SPINK1: variants seen among roughly 807,000 people sequenced by gnomAD.
SPINK1 encodes serine protease inhibitor Kazal-type 1.
SPINK1 carries 5 observed loss-of-function variants against 9.5 expected under a neutral mutation model. That is an observed-to-expected ratio of 0.52 (90% CI 0.27 to 1.10). The LOEUF is 1.10. Among genes scored for constraint, SPINK1 ranks in the 50% least tolerant of loss-of-function variants. The pLI is 0.11. For missense variants in SPINK1, 88 were observed against 92.7 expected (o/e 0.95, Z 0.21); for synonymous variants, 37 against 32.3 (o/e 1.14, Z -0.49).
chr5:147,824,783 G>GA (rs956934809), intron 3 of SPINK1, 77 bp from the exon 4 acceptor site: 50 of 1,298,730 alleles, frequency 3.8e-5, no homozygotes, highest in Admixed American at 1.4e-4. Context: ...AAAACAGGGG[G>GA]AAAAATAACA....
chr5:147,824,761 G>T, intron 3 of SPINK1, 55 bp from the exon 4 acceptor site: 1 of 1,520,008 alleles, frequency 6.6e-7, no homozygotes, highest in South Asian at 1.1e-5. Context: ...ATGAAAAAGT[G>T]ACTATGGGAG....
At chr5:147,827,520 A>G (rs922719759) in intron 3 of SPINK1, 1 of 157,638 alleles carries the variant, frequency 6.3e-6, no homozygotes, top group Admixed American at 6.3e-5. Flanking sequence ...GAATATTAGC[A>G]TGATGCTTGA....
At chr5:147,825,835 A>G (rs1201270663) in intron 3 of SPINK1, among the ~76,000 whole-genome samples, 1 of 152,234 alleles carries the variant, frequency 6.6e-6, no homozygotes, top group African/African-American at 2.4e-5. Flanking sequence ...ATAAGCACAC[A>G]CACCTAAACA....
upstream of SPINK1, among the ~76,000 whole-genome samples, chr5:147,835,829 C>A (rs541232844): frequency 6.6e-6 from 1 of 152,076 alleles, no homozygotes; most frequent in Non-Finnish European, 1.5e-5. Flanking sequence ...CATTTGGAGA[C>A]CTCCTTGACA....
intron 3 of SPINK1, among the ~76,000 whole-genome samples, chr5:147,826,168 A>AAGC (rs1756400512): frequency 6.6e-6 from 1 of 152,214 alleles, no homozygotes; most frequent in Admixed American, 6.5e-5. Flanking sequence ...TATATTTGCC[A>AAGC]AGCACATAAT....
upstream of SPINK1, among the ~76,000 whole-genome samples, chr5:147,833,810 C>T (rs1008128011): frequency 6.6e-6 from 1 of 152,120 alleles, no homozygotes; most frequent in South Asian, 2.1e-4. Context: ...TCAGAATGCT[C>T]AGGAAGAATT....
intron 3 of SPINK1, 49 bp downstream of exon 3, chr5:147,827,973 T>A: frequency 2.9e-6 from 4 of 1,403,208 alleles, no homozygotes; most frequent in African/African-American, 1.4e-5. Flanking sequence ...CACTTGAAGA[T>A]AACTAACTTA....
chr5:147,831,435 C>G, intron 1 of SPINK1, 88 bp downstream of exon 1: 5 of 1,536,562 alleles, frequency 3.3e-6, no homozygotes, highest in Non-Finnish European at 4.5e-6. Context: ...GAAGACTAGA[C>G]TACATCAAAA....
intron 2 of SPINK1, among the ~76,000 whole-genome samples, chr5:147,829,384 TA>T (rs1756468252): frequency 6.6e-6 from 1 of 152,202 alleles, no homozygotes; most frequent in Non-Finnish European, 1.5e-5. Flanking sequence ...ACTGTAGGAC[TA>T]TATGGAACTT....
chr5:147,829,576 A>G (rs747307306), intron 2 of SPINK1, 23 bp downstream of exon 2: 5 of 1,610,330 alleles, frequency 3.1e-6, no homozygotes, highest in Non-Finnish European at 4.2e-6. Flanking sequence ...CTGAGAAATA[A>G]GAAATTACAA....
chr5:147,838,319 A>T, the SPINK1 span, among the ~76,000 whole-genome samples: 181 of 152,334 alleles, frequency 1.2e-3, no homozygotes, highest in Non-Finnish European at 2.4e-3. Context: ...TGGGGACAAA[A>T]GGTCAATTAA....
intron 3 of SPINK1, among the ~76,000 whole-genome samples, chr5:147,826,480 A>G (rs1402206626): frequency 1.3e-5 from 2 of 152,236 alleles, no homozygotes; most frequent in Non-Finnish European, 2.9e-5. Flanking sequence ...CGGAGGTTTC[A>G]GAGGCTAAGC....
chr5:147,828,517 C>A (rs1409762574), intron 2 of SPINK1, among the ~76,000 whole-genome samples: 2 of 152,170 alleles, frequency 1.3e-5, no homozygotes, highest in Non-Finnish European at 2.9e-5. Context: ...GGGGCACGTT[C>A]TTCCTTGTAC....
At chr5:147,826,061 T>C (rs1159518503) in intron 3 of SPINK1, among the ~76,000 whole-genome samples, 1 of 152,216 alleles carries the variant, frequency 6.6e-6, no homozygotes, top group Non-Finnish European at 1.5e-5. Flanking sequence ...TCCATCATTA[T>C]AGAAGGTTCT....
At chr5:147,831,839 G>C, upstream of SPINK1, 1 of 1,340,468 alleles carries the variant, frequency 7.5e-7, no homozygotes, top group Non-Finnish European at 9.6e-7. Flanking sequence ...CAGGAAAATA[G>C]TTCTAGTGGT....
chr5:147,824,690 T>C lies in SPINK1; in HGVS notation c.211A>G (p.Ile71Val). The C allele has an allele frequency of 6.2e-7, 1 of 1,614,066 alleles. No individual in the cohort carries two copies. Among genetic ancestry groups the C allele is most frequent in the Non-Finnish European group, 8.5e-7 (1 of 1,179,978 alleles). The change falls in exon 4 of 4, where the codon ATC (isoleucine) becomes GTC (valine). Residue 71 changes from isoleucine (I) to valine (V), a missense_variant. Transcript: ENST00000296695. ...CAAGGCCCAGATTTTTGAATGAGGA[T>C]AGAAGTCTGGCGTTTCCTGCAGTAG... ...CFENRKRQTS[I>V]LIQKSGPC
At chr5:147,838,931 A>G in the SPINK1 span, among the ~76,000 whole-genome samples, 4 of 151,980 alleles carry the variant, frequency 2.6e-5, no homozygotes, top group Admixed American at 2.6e-4. Flanking sequence ...ACCTGGATTG[A>G]TGACTTGATC....
At chr5:147,835,283 C>A (rs951049400), upstream of SPINK1, among the ~76,000 whole-genome samples, 3 of 152,024 alleles carry the variant, frequency 2.0e-5, no homozygotes, top group African/African-American at 7.2e-5. Flanking sequence ...AAATATTGTG[C>A]AAAAATATTA....
Position 147,828,111 on chromosome 5 carries a change from T to C in SPINK1, c.105A>G (p.Glu35=). The change falls in exon 3 of 4, where the codon GAA becomes GAG. Residue 35 remains glutamate (E), a synonymous_variant. Coordinates refer to ENST00000296695, the MANE Select transcript of SPINK1 (RefSeq NM_001379610.1). ...CATATATCTTGGTGCATCCATTAAGTTCATTGTAACATTTGGCCTAAAAAT... is the reference window on the plus strand; with the variant it reads ...CATATATCTTGGTGCATCCATTAAGCTCATTGTAACATTTGGCCTAAAAAT... ...SLGREAKCYN[E]LNGCTKIYDP... is the part of the protein sequence containing the mutation. 1.9e-6 allele frequency: 3 copies of C among 1,613,210 alleles called. No individual in the cohort carries two copies. Among genetic ancestry groups the C allele is most frequent in the South Asian group, 1.1e-5 (1 of 91,022 alleles).
Sources: allele counts gnomAD v4.1 joint callset (sites outside exome capture counted in the v4.1 genomes callset), GRCh38; gene constraint gnomAD v4.1.1; transcripts MANE v1.5; gene names NCBI Gene and HGNC (gene_info 2026-07-23, HGNC 2026-07-21).